The following PLXNA2 variants were observed in gnomAD, a reference collection of about 807,000 sequenced individuals.
PLXNA2 encodes the protein plexin-A2.
Under a neutral mutation model 193.5 loss-of-function variants are expected in PLXNA2, and 91 were observed. That is an observed-to-expected ratio of 0.47 (90% CI 0.40 to 0.56). The LOEUF (loss-of-function observed/expected upper bound fraction) is 0.56, where lower values mean the gene tolerates loss of function less well. Ranked by LOEUF, PLXNA2 falls within the 20% of genes least tolerant of loss-of-function variation. The pLI is 0.00. For missense variants in PLXNA2, 1,995 were observed against 2,503.2 expected, an observed-to-expected ratio of 0.80 and a Z score of 4.33; for synonymous variants, 997 against 1,027.3, an observed-to-expected ratio of 0.97 and a Z score of 0.56.
intron 4 of PLXNA2, among the ~76,000 whole-genome samples, chr1:208,128,941 C>T (rs951698445): frequency 1.3e-5 from 2 of 152,102 alleles, no homozygotes; most frequent in South Asian, 2.1e-4. Context: ...GTGATCCACC[C>T]GCCTCAGCCT....
intron 12 of PLXNA2, among the ~76,000 whole-genome samples, chr1:208,076,355 C>T (rs1311570132): frequency 6.6e-6 from 1 of 152,158 alleles, no homozygotes; most frequent in Non-Finnish European, 1.5e-5. Context: ...ACTGGGATTA[C>T]AGGTGTGAGC....
chr1:208,100,981 C>T (rs1177054558), intron 5 of PLXNA2, among the ~76,000 whole-genome samples: 1 of 152,230 alleles, frequency 6.6e-6, no homozygotes, highest in East Asian at 1.9e-4. Flanking sequence ...CTAACTCCCT[C>T]CAAACTCCTC....
chr1:208,054,862 G>T (rs1448163100), intron 13 of PLXNA2, among the ~76,000 whole-genome samples: 1 of 152,186 alleles, frequency 6.6e-6, no homozygotes, highest in Non-Finnish European at 1.5e-5. Flanking sequence ...TAGGGACCCA[G>T]AATTTATAGA....
chr1:208,078,217 A>G (rs1187950802), intron 12 of PLXNA2, among the ~76,000 whole-genome samples: 1 of 152,178 alleles, frequency 6.6e-6, no homozygotes, highest in Non-Finnish European at 1.5e-5. Flanking sequence ...AATGTAATTT[A>G]CTCACATTAA....
At chr1:208,046,383 G>A (rs577406984) in intron 17 of PLXNA2, among the ~76,000 whole-genome samples, 29 of 152,262 alleles carry the variant, frequency 1.9e-4, no homozygotes, top group African/African-American at 7.0e-4. Flanking sequence ...AGGAGGTGGG[G>A]CTATAGAGCG....
intron 7 of PLXNA2, 42 bp from the exon 8 acceptor site, chr1:208,096,167 TG>T: frequency 4.8e-6 from 7 of 1,471,868 alleles, no homozygotes; most frequent in Non-Finnish European, 5.7e-6. Context: ...GGTAACAACG[TG>T]GGGGACCCAG....
intron 4 of PLXNA2, among the ~76,000 whole-genome samples, chr1:208,111,276 C>A (rs1667465882): frequency 6.6e-6 from 1 of 151,904 alleles, no homozygotes; most frequent in South Asian, 2.1e-4. Flanking sequence ...CTATGTTTCC[C>A]AGGCTAGTCA....
At chr1:208,098,471 C>CAT (rs889517246) in intron 6 of PLXNA2, among the ~76,000 whole-genome samples, 6 of 148,586 alleles carry the variant, frequency 4.0e-5, no homozygotes, top group Admixed American at 1.3e-4. Flanking sequence ...CACACACACA[C>CAT]ACACACACAC....
chr1:208,095,781 G>C (rs537237063), intron 8 of PLXNA2, among the ~76,000 whole-genome samples: 6 of 152,332 alleles, frequency 3.9e-5, no homozygotes, highest in South Asian at 2.1e-4. Context: ...CTTGGCCTGA[G>C]AGTTGGGGGT....
chr1:208,226,066 G>T (rs1383713398), intron 1 of PLXNA2, among the ~76,000 whole-genome samples: 1 of 152,174 alleles, frequency 6.6e-6, no homozygotes, highest in Admixed American at 6.5e-5. Flanking sequence ...AGATAGGCGG[G>T]TATCTCTGAC....
intron 4 of PLXNA2, among the ~76,000 whole-genome samples, chr1:208,140,961 T>C (rs1668439969): frequency 6.6e-6 from 1 of 152,220 alleles, no homozygotes; most frequent in Non-Finnish European, 1.5e-5. Flanking sequence ...CACTGACTGT[T>C]TCATCGGAAT....
intron 12 of PLXNA2, among the ~76,000 whole-genome samples, chr1:208,069,573 G>C (rs771718264): frequency 1.3e-5 from 2 of 152,194 alleles, no homozygotes; most frequent in Non-Finnish European, 2.9e-5. Flanking sequence ...GGCGCTGGAA[G>C]GCCCAGGGGC....
In PLXNA2 at chr1:208,038,304, A is replaced by T; in HGVS notation, c.4764+67T>A. On this transcript the variant is annotated intron_variant, in intron 26 of 31. Coordinates refer to ENST00000367033, the MANE Select transcript of PLXNA2 (RefSeq NM_025179.4). This position sits in a 1 kb window ranked among gnomAD's most constrained non-coding sequence, Gnocchi z 4.1. ...ATCCTTTTTAGACTTTTGAGGCCTT[A>T]GAGCAAGGCTTAGCGGGAAGGGAAC... 1 of 1,117,052 alleles carries T rather than the reference A, an allele frequency of 9.0e-7. No individual in the cohort carries two copies. The highest frequency in any genetic ancestry group is 1.2e-5 in the South Asian group (1 of 80,434). The allele number at this position is 1,117,052 out of a possible 1,614,324, so 69.2% of individuals were successfully genotyped here. A position where few individuals can be genotyped will look rare whatever the true frequency, so the allele number is the denominator to read the frequency against.
chr1:208,183,839 T>C (rs1449209415), intron 3 of PLXNA2, among the ~76,000 whole-genome samples: 2 of 152,240 alleles, frequency 1.3e-5, no homozygotes, highest in Non-Finnish European at 2.9e-5. Flanking sequence ...TAGGCTTTCA[T>C]GGTACCCTAG....
At chr1:208,219,093 A>G (rs768935907) in intron 1 of PLXNA2, among the ~76,000 whole-genome samples, 1 of 152,222 alleles carries the variant, frequency 6.6e-6, no homozygotes, top group Non-Finnish European at 1.5e-5. Context: ...CCATGCTCGA[A>G]GCCCAGTCTC....
intron 1 of PLXNA2, among the ~76,000 whole-genome samples, chr1:208,241,289 C>T (rs941703634): frequency 2.0e-5 from 3 of 152,150 alleles, no homozygotes; most frequent in Non-Finnish European, 4.4e-5. Context: ...TTACATTCAC[C>T]GCATCTGCAG....
chr1:208,035,831 C>T (rs1188794224), intron 26 of PLXNA2, among the ~76,000 whole-genome samples: 1 of 152,218 alleles, frequency 6.6e-6, no homozygotes, highest in African/African-American at 2.4e-5. Context: ...GGAAGTCAAA[C>T]TATAAATGAA....
chr1:208,181,001 C>A (rs1273114003), intron 3 of PLXNA2, among the ~76,000 whole-genome samples: 1 of 152,238 alleles, frequency 6.6e-6, no homozygotes, highest in Non-Finnish European at 1.5e-5. Flanking sequence ...TCCAAGCCTT[C>A]CAAAGTTCAC....
chr1:208,054,371 G>T, intron 14 of PLXNA2, 50 bp downstream of exon 14: 2 of 1,251,634 alleles, frequency 1.6e-6, no homozygotes, highest in Non-Finnish European at 2.3e-6. Flanking sequence ...TCTGGAGCAT[G>T]TGTGTCTCCT....
Sources: gnomAD v4.1 joint callset for allele counts (sites outside exome capture counted in the v4.1 genomes callset) on GRCh38, gnomAD v4.1.1 for gene constraint, Gnocchi (gnomAD v3.1) non-coding constraint, MANE v1.5 for transcripts, NCBI Gene and HGNC (gene_info 2026-07-23, HGNC 2026-07-21) for gene names.